ZZEF1: variants seen among roughly 807,000 people sequenced by gnomAD.
ZZEF1 encodes zinc finger ZZ-type and EF-hand domain-containing protein 1.
Under a neutral mutation model 342.8 loss-of-function variants are expected in ZZEF1, and 157 were observed. The observed-to-expected ratio is 0.46, with a 90% CI of 0.40 to 0.52. The LOEUF is 0.52. ZZEF1 is among the 20% of genes least tolerant of loss of function. The pLI is 0.00. For missense variants in ZZEF1, 3,480 were observed against 3,725.6 expected (o/e 0.93, Z 1.72); for synonymous variants, 1,505 against 1,429.1 (o/e 1.05, Z -1.20).
chr17:4,111,045 G>A (rs1373495625), intron 5 of ZZEF1, among the ~76,000 whole-genome samples: 1 of 152,034 alleles, frequency 6.6e-6, no homozygotes, highest in Non-Finnish European at 1.5e-5. Flanking sequence ...ACTAAATAAG[G>A]ATATTCGTGA....
At chr17:4,112,241 G>A (rs1377585181) in intron 5 of ZZEF1, among the ~76,000 whole-genome samples, 3 of 151,022 alleles carry the variant, frequency 2.0e-5, no homozygotes, top group African/African-American at 7.3e-5. Flanking sequence ...AGCTTCCTGG[G>A]TTCAAGTGAT....
chr17:4,119,943 G>A (rs547750190), intron 2 of ZZEF1, among the ~76,000 whole-genome samples: 3 of 152,094 alleles, frequency 2.0e-5, no homozygotes, highest in Admixed American at 6.6e-5. Flanking sequence ...TTCACACCAA[G>A]GACTAACAGC....
intron 9 of ZZEF1, among the ~76,000 whole-genome samples, chr17:4,101,536 C>G (rs1372733342): frequency 6.6e-6 from 1 of 152,206 alleles, no homozygotes; most frequent in Non-Finnish European, 1.5e-5. Flanking sequence ...AAAAGCACAT[C>G]AGCAATTATT....
chr17:4,121,929 G>A (rs181094661), intron 2 of ZZEF1, among the ~76,000 whole-genome samples: 208 of 152,136 alleles, frequency 1.4e-3, no homozygotes, highest in Admixed American at 2.7e-3. Context: ...TGCTGCCCTG[G>A]CTGGTCTCAA....
chr17:4,008,888 C>T lies in ZZEF1; in HGVS notation c.8800G>A (p.Ala2934Thr), dbSNP rs1400935687. 4 of 1,547,070 alleles carry T rather than the reference C, an allele frequency of 2.6e-6. No homozygotes were observed. Among genetic ancestry groups the T allele is most frequent in the Non-Finnish European group, 3.5e-6 (4 of 1,148,646 alleles). Residue 2934 changes from alanine (A) to threonine (T), a missense_variant, in exon 54 of 55, where the codon GCA (alanine) becomes ACA (threonine). Coordinates refer to ENST00000381638, the MANE Select transcript of ZZEF1 (RefSeq NM_015113.4). This position sits in a 1 kb window ranked among gnomAD's most constrained non-coding sequence, Gnocchi z 4.2. The part of the protein sequence containing the change: ...TTDDHLLRCA[A>T]QALQNIAAIS... ...TGTTGGGGTGGAGAGAGTACCTGTG[C>T]CGCACAGCGGAGAAGGTGGTCGTCC...
rs1329572051 is a variant in ZZEF1, at chr17:4,096,794, T to TG, written c.1673-95dup. ...AAAACAAACCATATCCTTTGAGTCA[T>TG]GGGGGGTAACTGGTCTGATATCTTC... On this transcript the variant is annotated intron_variant, in intron 9 of 54. Coordinates refer to ENST00000381638, the MANE Select transcript of ZZEF1 (RefSeq NM_015113.4). 109 of 1,003,912 alleles carry TG rather than the reference T, an allele frequency of 1.1e-4. No individual in the cohort carries two copies. In the South Asian group the frequency reaches 1.4e-3, roughly 13 times the overall value. 62.2% of individuals were successfully genotyped at this position (1,003,912 alleles called of 1,614,324 possible).
At chr17:4,128,209 G>A (rs1169640362) in intron 1 of ZZEF1, among the ~76,000 whole-genome samples, 1 of 151,820 alleles carries the variant, frequency 6.6e-6, no homozygotes, top group Non-Finnish European at 1.5e-5. Flanking sequence ...TTAGCTGGGT[G>A]TGGTGGCGCG....
intron 26 of ZZEF1, 60 bp downstream of exon 26, chr17:4,070,624 G>C (rs1364632800): frequency 6.5e-7 from 1 of 1,540,280 alleles, no homozygotes; most frequent in Admixed American, 1.9e-5. Context: ...CTTAAGATAG[G>C]CTTTCTTAAA....
intron 10 of ZZEF1, 90 bp from the exon 11 acceptor site, chr17:4,096,069 A>G: frequency 7.3e-7 from 1 of 1,371,292 alleles, no homozygotes. Context: ...AAACAGGTTA[A>G]AACAAAACGA....
chr17:4,019,789 G>A lies in ZZEF1; in HGVS notation c.7405-20C>T, dbSNP rs200733631. The A allele has an allele frequency of 7.0e-6, 11 of 1,580,728 alleles. No homozygotes were observed. The African/African-American group carries it at 9.5e-5, about 14-fold the overall frequency. ...AGCCATCTGGAGGCCAGGGGAGGAC[G>A]CAGACAAGAACCATTAACAGTGCTT... On this transcript the variant is annotated intron_variant, in intron 45 of 54. Transcript: ENST00000381638.
rs2055886615 is a variant in ZZEF1, at chr17:4,009,438, C to T, written c.8733+166G>A. ...AGAGCTGACCTGAGGGTTTCCCAGG[C>T]CTGGGAGAGGCGAGAGCCTCAGACT... On this transcript the variant is annotated intron_variant, in intron 53 of 54. Transcript: ENST00000381638. 4 of 947,542 alleles carry T rather than the reference C, an allele frequency of 4.2e-6. No homozygotes were observed. In the East Asian group the frequency reaches 7.7e-5, roughly 18 times the overall value. 58.7% of individuals were successfully genotyped at this position (947,542 alleles called of 1,614,324 possible).
chr17:4,129,867 A>G (rs756308211), intron 1 of ZZEF1, among the ~76,000 whole-genome samples: 1 of 152,236 alleles, frequency 6.6e-6, no homozygotes, highest in Non-Finnish European at 1.5e-5. Flanking sequence ...TTGTGGGAAC[A>G]TGGATGGAGC....
At position 4,076,753 on chromosome 17, in the gene ZZEF1, A is replaced by C. The variant is rs1024406778; in HGVS notation, c.3118T>G (p.Phe1040Val). The change falls in exon 21 of 55, where the codon TTC becomes GTC. Residue 1040 changes from phenylalanine to valine, a missense_variant. Around this residue, in one of 5 missense-constraint regions of ZZEF1, gnomAD observed 1,528 missense variants for 1,624.1 expected, o/e 0.94. Coordinates refer to ENST00000381638, the MANE Select transcript of ZZEF1 (RefSeq NM_015113.4). ...FSMAARQLVI[F>V]LLDFCTLDIP... ...TCTAAAGTGCAGAAGTCCAGCAGGA[A>C]GATAACCTAATGGAAGATGGATGAA... 6.2e-7 allele frequency: 1 copy of C among 1,607,288 alleles called. No homozygotes were observed. Among genetic ancestry groups the C allele is most frequent in the African/African-American group, 1.4e-5 (1 of 72,642 alleles).
chr17:4,117,272 AC>A, intron 2 of ZZEF1, 106 bp from the exon 3 acceptor site: 1 of 799,952 alleles, frequency 1.3e-6, no homozygotes, highest in Non-Finnish European at 2.0e-6. Context: ...GCAGTCATTA[AC>A]AATCTTCATT....
At position 4,044,125 on chromosome 17, in the gene ZZEF1, T is replaced by C. The variant is rs2056859875; in HGVS notation, c.6166+99A>G. ...ACTGAGAAACCACGCACCCCTGGCG[T>C]CTAGCCAATGTCAAGCTGTGTGCCA... On this transcript the variant is annotated intron_variant, in intron 38 of 54. Coordinates refer to ENST00000381638, the MANE Select transcript of ZZEF1 (RefSeq NM_015113.4). The C allele has an allele frequency of 7.3e-6, 10 of 1,365,366 alleles. No individual in the cohort carries two copies. The Admixed American group carries it at 8.2e-5, about 11-fold the overall frequency. 84.6% of individuals were successfully genotyped at this position (1,365,366 alleles called of 1,614,324 possible). A position where few individuals can be genotyped will look rare whatever the true frequency, so the allele number is the denominator to read the frequency against.
chr17:4,022,570 C>T, intron 44 of ZZEF1, 139 bp downstream of exon 44: 1 of 1,200,086 alleles, frequency 8.3e-7, no homozygotes, highest in Non-Finnish European at 1.2e-6. Context: ...ACAGGGAATA[C>T]AGAAGCAAGG....
Position 4,024,959 on chromosome 17 carries a change from A to G in ZZEF1, c.7052T>C (p.Val2351Ala), listed in dbSNP as rs892145232. The G allele has an allele frequency of 1.9e-6, 3 of 1,614,154 alleles. No individual in the cohort carries two copies. In the South Asian group the frequency reaches 3.3e-5, roughly 18 times the overall value. ...HCPEAVEATW[V>A]LSLALKGLYK... ...CAATCCTTTCAGGGCCAGGGACAGG[A>G]CCCAAGTTGCTTCTACTGCCTCGGG... is the stretch of plus-strand genomic sequence containing the variant. The change falls in exon 43 of 55, where the codon GTC (valine) becomes GCC (alanine). Residue 2351 changes from valine (V) to alanine (A), a missense_variant. By Grantham distance (64) the Val-to-Ala change is moderately conservative. Transcript: ENST00000381638.
chr17:4,067,307 C>T lies in ZZEF1; in HGVS notation c.4076-65G>A, dbSNP rs1287964591. 4 of 1,321,630 alleles carry T rather than the reference C, an allele frequency of 3.0e-6. No homozygotes were observed. In the African/African-American group the frequency reaches 5.9e-5, roughly 19 times the overall value. 81.9% of individuals were successfully genotyped at this position (1,321,630 alleles called of 1,614,324 possible). ...CACAATTCACTACTGCAACATTAAG[C>T]ACAAAAAATCTAAATCTGCTGAAGT... On this transcript the variant is annotated intron_variant, in intron 26 of 54. Transcript: ENST00000381638.
At chr17:4,104,587 G>T (rs1188165189) in intron 8 of ZZEF1, 46 bp downstream of exon 8, 2 of 1,598,156 alleles carry the variant, frequency 1.3e-6, no homozygotes, top group African/African-American at 2.7e-5. Context: ...TTTACGATTT[G>T]TCCACTGTTG....
Sources: gnomAD v4.1 joint callset for allele counts (sites outside exome capture counted in the v4.1 genomes callset) on GRCh38, gnomAD v4.1.1 for gene constraint, gnomAD v4.1.1 regional missense constraint, Gnocchi (gnomAD v3.1) non-coding constraint, MANE v1.5 for transcripts, NCBI Gene and HGNC (gene_info 2026-07-23, HGNC 2026-07-21) for gene names.